Variants in SPOCK3 observed in about 807,000 individuals in gnomAD.
SPOCK3 encodes testican-3.
Under a neutral mutation model 56.6 loss-of-function variants are expected in SPOCK3, and 30 were observed. The ratio of observed to expected loss-of-function variants is 0.53; its 90% CI spans 0.40 to 0.72. SPOCK3 has a LOEUF of 0.72. Among genes scored for constraint, SPOCK3 ranks in the 30% least tolerant of loss-of-function variants. SPOCK3 has a pLI of 0.00. For synonymous variants in SPOCK3, 196 were observed against 183.3 expected, an observed-to-expected ratio of 1.07 and a Z score of -0.56; for missense variants, 527 against 530.0, an observed-to-expected ratio of 0.99 and a Z score of 0.06.
intron 6 of SPOCK3, among the ~76,000 whole-genome samples, chr4:166,850,507 C>T (rs1211563546): frequency 6.6e-6 from 1 of 152,186 alleles, no homozygotes; most frequent in Non-Finnish European, 1.5e-5. Context: ...CAGCTCCCAG[C>T]GTGAGCAACG....
At chr4:167,207,187 T>C (rs960986200) in intron 2 of SPOCK3, among the ~76,000 whole-genome samples, 3 of 152,080 alleles carry the variant, frequency 2.0e-5, no homozygotes, top group African/African-American at 7.2e-5. Context: ...AATGCATAGG[T>C]AATAAGTATT....
intron 2 of SPOCK3, among the ~76,000 whole-genome samples, chr4:167,207,497 A>G (rs1438562097): frequency 6.6e-6 from 1 of 152,160 alleles, no homozygotes; most frequent in Non-Finnish European, 1.5e-5. Flanking sequence ...CTATAGCTTT[A>G]TATTTTTAAA....
intron 6 of SPOCK3, among the ~76,000 whole-genome samples, chr4:166,845,875 T>C (rs1748003242): frequency 1.3e-5 from 2 of 152,170 alleles, no homozygotes; most frequent in African/African-American, 2.4e-5. Flanking sequence ...GACTTGGTCC[T>C]TTCGTGAACA....
intron 3 of SPOCK3, among the ~76,000 whole-genome samples, chr4:167,058,252 C>T (rs929874690): frequency 9.9e-5 from 15 of 152,140 alleles, no homozygotes; most frequent in Non-Finnish European, 1.9e-4. Flanking sequence ...TAGAAAACCC[C>T]ATTGTCTCAG....
chr4:167,228,715 C>T (rs1029685734), intron 2 of SPOCK3, among the ~76,000 whole-genome samples: 1 of 152,132 alleles, frequency 6.6e-6, no homozygotes, highest in African/African-American at 2.4e-5. Context: ...AAACAAGAGT[C>T]AGGATGCTGC....
At chr4:166,855,285 G>A (rs957196611) in intron 6 of SPOCK3, among the ~76,000 whole-genome samples, 10 of 150,940 alleles carry the variant, frequency 6.6e-5, no homozygotes, top group African/African-American at 9.7e-5. Context: ...AAAACATACA[G>A]ACAAAAAATA....
At chr4:167,182,488 A>T (rs1731566639) in intron 2 of SPOCK3, among the ~76,000 whole-genome samples, 1 of 152,102 alleles carries the variant, frequency 6.6e-6, no homozygotes, top group African/African-American at 2.4e-5. Flanking sequence ...AATGGAAAAA[A>T]AAAATATGCA....
intron 6 of SPOCK3, among the ~76,000 whole-genome samples, chr4:166,877,311 G>T (rs972562726): frequency 6.6e-5 from 10 of 151,948 alleles, no homozygotes. Flanking sequence ...TATTTTCTCT[G>T]GTATCATTGA....
intron 2 of SPOCK3, among the ~76,000 whole-genome samples, chr4:167,185,303 C>T (rs555851640): frequency 2.3e-4 from 35 of 152,208 alleles, no homozygotes; most frequent in African/African-American, 7.5e-4. Flanking sequence ...CATTATGTCA[C>T]GCATTTATCT....
chr4:166,934,039 G>A (rs141737671), intron 4 of SPOCK3, among the ~76,000 whole-genome samples: 408 of 152,138 alleles, frequency 2.7e-3, no homozygotes, highest in Non-Finnish European at 4.4e-3. Context: ...TTAGATTACA[G>A]GTAGGGTAAA....
At chr4:167,211,665 C>G (rs1444342471) in intron 2 of SPOCK3, among the ~76,000 whole-genome samples, 1 of 152,252 alleles carries the variant, frequency 6.6e-6, no homozygotes, top group East Asian at 1.9e-4. Context: ...GTGAGACATG[C>G]CTTTCACCTT....
chr4:167,139,081 T>A (rs1294733102), intron 2 of SPOCK3, among the ~76,000 whole-genome samples: 1 of 151,996 alleles, frequency 6.6e-6, no homozygotes, highest in Non-Finnish European at 1.5e-5. Flanking sequence ...TAGGTTACTT[T>A]TCTCTGTGAT....
intron 2 of SPOCK3, among the ~76,000 whole-genome samples, chr4:167,072,488 G>C (rs1052477450): frequency 6.6e-6 from 1 of 151,728 alleles, no homozygotes; most frequent in African/African-American, 2.4e-5. Flanking sequence ...ACAAAAGAAG[G>C]CTTAAAAAAA....
At chr4:167,028,374 AAACAACAAC>A (rs534517585) in intron 3 of SPOCK3, among the ~76,000 whole-genome samples, 217 of 139,234 alleles carry the variant, frequency 1.6e-3, no homozygotes, top group African/African-American at 4.4e-3. Context: ...GAAACCGGTA[AAACAACAAC>A]AACAACAACA....
intron 6 of SPOCK3, among the ~76,000 whole-genome samples, chr4:166,834,945 A>T (rs183729973): frequency 5.9e-5 from 9 of 152,168 alleles, no homozygotes; most frequent in Non-Finnish European, 1.3e-4. Flanking sequence ...TACTATCCCA[A>T]CACTTTCCTA....
rs62355386 is a variant in SPOCK3, at chr4:166,954,018, G to A, written c.351-41275C>T. On this transcript the variant is annotated intron_variant, in intron 4 of 10. Transcript: ENST00000357545. ...GTTAGTGGGTGCAGTGCACTAGCAT[G>A]GCACATGTATACATATGTAACTAAC... Among the ~76,000 whole-genome samples, 977 of 152,126 alleles carry A rather than the reference G, an allele frequency of 6.4e-3. 3 individuals carry two copies. The highest frequency in any genetic ancestry group is 0.012 in the Non-Finnish European group (791 of 67,990).
At chr4:167,198,571 G>T (rs1733194024) in intron 2 of SPOCK3, among the ~76,000 whole-genome samples, 1 of 152,044 alleles carries the variant, frequency 6.6e-6, no homozygotes, top group Admixed American at 6.6e-5. Flanking sequence ...TCTACAATTG[G>T]GATATTGCTC....
chr4:166,936,742 C>G (rs192170632), intron 4 of SPOCK3, among the ~76,000 whole-genome samples: 9 of 151,916 alleles, frequency 5.9e-5, no homozygotes, highest in African/African-American at 2.2e-4. Flanking sequence ...CTTATTTCTA[C>G]TTTTAGTTTT....
intron 10 of SPOCK3, 100 bp downstream of exon 10, chr4:166,737,367 T>G: frequency 3.1e-6 from 4 of 1,277,256 alleles, no homozygotes; most frequent in Non-Finnish European, 4.3e-6. Context: ...AGTCTTTGCA[T>G]AGAGTAAGTC....
Sources: gnomAD v4.1 joint callset for allele counts (sites outside exome capture counted in the v4.1 genomes callset) on GRCh38, gnomAD v4.1.1 for gene constraint, MANE v1.5 for transcripts, NCBI Gene and HGNC (gene_info 2026-07-23, HGNC 2026-07-21) for gene names.